The following TRANK1 variants were observed in gnomAD, a reference collection of about 807,000 sequenced individuals.
The protein encoded by TRANK1 is TPR and ankyrin repeat-containing protein 1.
In TRANK1, 198 loss-of-function variants were observed where a neutral mutation model predicts 266.0. The ratio of observed to expected loss-of-function variants is 0.74; its 90% CI spans 0.66 to 0.84. TRANK1 has a LOEUF of 0.84. TRANK1 is among the 40% of genes least tolerant of loss of function. The probability of loss-of-function intolerance (pLI) is 0.00; values close to 1 mark genes in which losing one functional copy is unlikely to be tolerated. For synonymous variants in TRANK1, 1,396 were observed against 1,384.1 expected (o/e 1.01, Z -0.19); for missense variants, 3,326 against 3,634.6 (o/e 0.92, Z 2.18).
chr3:36,927,065 G>T (rs1434636459), intron 1 of TRANK1, among the ~76,000 whole-genome samples: 2 of 152,116 alleles, frequency 1.3e-5, no homozygotes, highest in Non-Finnish European at 1.5e-5. Context: ...AAGAACTAAT[G>T]AATCCCCTTT....
rs372110213 is a variant in TRANK1 at position 36,832,615 on chromosome 3, C to T, written c.6968G>A (p.Arg2323His). The T allele has an allele frequency of 7.4e-6, 12 of 1,613,942 alleles. No homozygotes were observed. The highest frequency in any genetic ancestry group is 2.2e-5 in the South Asian group (2 of 91,078). ...CAGCCACAGGTCTGTGGATTCCCGG[C>T]GGTTGCGTGCGCTTTCATTTTCAAA... ...FLFENESARNRRESTDLWLSA... is the reference protein window; with the variant it reads ...FLFENESARNHRESTDLWLSA... Residue 2323 changes from arginine to histidine, a missense_variant, in exon 22 of 24, where the codon CGC (arginine) becomes CAC (histidine). Arg to His is a conservative substitution (Grantham distance 29, BLOSUM62 0). Coordinates refer to ENST00000645898, the MANE Select transcript of TRANK1 (RefSeq NM_001329998.2).
In TRANK1 at chr3:36,847,357, A is replaced by G. The variant is rs1255258334; in HGVS notation, c.4888-11T>C. ...CCATTCCTTATAAGCCTGAACAACAACAAAAAAGTGAAGACCAACAGAATA... is the reference window on the plus strand; with the variant it reads ...CCATTCCTTATAAGCCTGAACAACAGCAAAAAAGTGAAGACCAACAGAATA... On this transcript the variant is annotated splice_polypyrimidine_tract_variant and intron_variant, in intron 15 of 23. Coordinates refer to ENST00000645898, the MANE Select transcript of TRANK1 (RefSeq NM_001329998.2). 1 of 1,612,942 alleles carries G rather than the reference A, an allele frequency of 6.2e-7. No homozygotes were observed. Among genetic ancestry groups the G allele is most frequent in the Non-Finnish European group, 8.5e-7 (1 of 1,179,298 alleles).
intron 1 of TRANK1, among the ~76,000 whole-genome samples, chr3:36,918,939 T>TC (rs2080176750): frequency 1.3e-5 from 2 of 152,106 alleles, no homozygotes; most frequent in Admixed American, 1.3e-4. Flanking sequence ...AGTTAAAATA[T>TC]CCCCCAGCAG....
rs202052394 is a variant in TRANK1, at chr3:36,857,545, C to T, written c.2177G>A (p.Cys726Tyr). ...CTGCATAAGGCAGTCTCTCAGCGAG[C>T]AGGGCCTGAGAGCTCCAGGCTCCTT... is the stretch of plus-strand genomic sequence containing the variant. Reference protein sequence around the residue: ...TRKEPGALRPCSLRDCLMQDI... With the variant: ...TRKEPGALRPYSLRDCLMQDI... The change falls in exon 13 of 24, where the codon TGC becomes TAC. Residue 726 changes from cysteine to tyrosine, a missense_variant. Coordinates refer to ENST00000645898, the MANE Select transcript of TRANK1 (RefSeq NM_001329998.2). The surrounding 1 kb of genome is among the most constrained non-coding windows in gnomAD (Gnocchi z 4.3). 1.5e-4 allele frequency: 250 copies of T among 1,613,938 alleles called. No homozygotes were observed. Among genetic ancestry groups the T allele is most frequent in the Non-Finnish European group, 2.1e-4 (244 of 1,179,912 alleles).
chr3:36,838,283 C>A, intron 20 of TRANK1, 89 bp downstream of exon 20: 1 of 1,539,442 alleles, frequency 6.5e-7, no homozygotes, highest in South Asian at 1.3e-5. Flanking sequence ...GCAGCCTCTT[C>A]CTGCTATGAG....
intron 1 of TRANK1, among the ~76,000 whole-genome samples, chr3:36,930,741 A>G (rs906810313): frequency 2.0e-5 from 3 of 152,244 alleles, no homozygotes; most frequent in Admixed American, 2.0e-4. Context: ...ATTCTATAAC[A>G]GGCAAATCTA....
At chr3:36,904,348 A>G (rs2079929834) in intron 2 of TRANK1, among the ~76,000 whole-genome samples, 1 of 151,766 alleles carries the variant, frequency 6.6e-6, no homozygotes, top group Non-Finnish European at 1.5e-5. Context: ...GTGAAACCCC[A>G]TCTCTACTAA....
rs958768132 is a variant in TRANK1 at position 36,828,164 on chromosome 3, C to T, written c.*111G>A. On this transcript the variant is annotated 3_prime_UTR_variant, in exon 24 of 24. Transcript: ENST00000645898. ...AAAAGCAATGGTGTTGTTAGACTCC[C>T]CTATTTTTAAAATGCTAATTCACAT... 5.4e-5 allele frequency: 41 copies of T among 762,406 alleles called. 1 individual carries two copies. The Admixed American group carries it at 8.8e-4, about 16-fold the overall frequency. 47.2% of individuals were successfully genotyped at this position (762,406 alleles called of 1,614,324 possible).
At chr3:36,894,043 C>A (rs2079751322) in intron 5 of TRANK1, among the ~76,000 whole-genome samples, 1 of 152,182 alleles carries the variant, frequency 6.6e-6, no homozygotes, top group Admixed American at 6.5e-5. Context: ...ATAAGTTCAG[C>A]ATTCTAGTGG....
intron 1 of TRANK1, among the ~76,000 whole-genome samples, 174 bp downstream of exon 1, chr3:36,944,613 C>A (rs1413986764): frequency 6.6e-6 from 1 of 152,178 alleles, no homozygotes; most frequent in Non-Finnish European, 1.5e-5. Flanking sequence ...CGACCCCGCG[C>A]AACTGGCTCG....
intron 17 of TRANK1, among the ~76,000 whole-genome samples, chr3:36,845,632 T>A (rs1349739363): frequency 6.6e-6 from 1 of 152,236 alleles, no homozygotes; most frequent in Non-Finnish European, 1.5e-5. Flanking sequence ...ATTCTACCCA[T>A]ACTGTTTTAA....
In TRANK1 at chr3:36,851,737, G is replaced by C; in HGVS notation, c.4869C>G (p.Asn1623Lys). The change falls in exon 15 of 24, where the codon AAC (asparagine) becomes AAG (lysine). Residue 1623 changes from asparagine to lysine, a missense_variant. Coordinates refer to ENST00000645898, the MANE Select transcript of TRANK1 (RefSeq NM_001329998.2). ...GACATACCTCAGAATCAGTAAAAAA[G>C]TTGTAAAGGAGGACATCATCAAATT... is the stretch of plus-strand genomic sequence containing the variant. Reference protein sequence around the residue: ...GLEFDDVLLYNFFTDSEAYKE... With the variant: ...GLEFDDVLLYKFFTDSEAYKE... The C allele has an allele frequency of 3.1e-6, 5 of 1,612,716 alleles. No homozygotes were observed. The highest frequency in any genetic ancestry group is 4.2e-6 in the Non-Finnish European group (5 of 1,179,510).
intron 11 of TRANK1, among the ~76,000 whole-genome samples, chr3:36,859,376 T>G (rs1292845964): frequency 6.6e-6 from 1 of 152,006 alleles, no homozygotes; most frequent in Non-Finnish European, 1.5e-5. Context: ...CCCATCAACC[T>G]GTCACCTACA....
chr3:36,929,493 C>T (rs1054489860), intron 1 of TRANK1: 2 of 152,074 alleles, frequency 1.3e-5, no homozygotes, highest in African/African-American at 4.8e-5. Context: ...GAATATCCAG[C>T]AATAAATATA....
Position 36,831,965 on chromosome 3 carries a change from T to A in TRANK1, c.7618A>T (p.Asn2540Tyr). The A allele has an allele frequency of 1.2e-6, 2 of 1,613,992 alleles. No individual in the cohort carries two copies. The highest frequency in any genetic ancestry group is 1.7e-6 in the Non-Finnish European group (2 of 1,179,890). The change falls in exon 22 of 24, where the codon AAC (asparagine) becomes TAC (tyrosine). Residue 2540 changes from asparagine (N) to tyrosine (Y), a missense_variant. Asn to Tyr is a moderately radical substitution (Grantham distance 143). Transcript: ENST00000645898. The surrounding 1 kb of genome is among the most constrained non-coding windows in gnomAD (Gnocchi z 5.0). ...AAGGCATCAAGCAGGACGTTGAAGTTCACATTCTCATAGCCACATAGCACC... is the reference window on the plus strand; with the variant it reads ...AAGGCATCAAGCAGGACGTTGAAGTACACATTCTCATAGCCACATAGCACC... ...AKVLCGYENV[N>Y]FNVLLDAFSE...
rs578243519 is a variant in TRANK1, at chr3:36,832,622, G to A, written c.6961C>T (p.Arg2321Cys). 41 of 1,613,846 alleles carry A rather than the reference G, an allele frequency of 2.5e-5. No individual in the cohort carries two copies. The Middle Eastern group carries it at 4.9e-4, about 19-fold the overall frequency. Residue 2321 changes from arginine to cysteine, a missense_variant, in exon 22 of 24, where the codon CGC (arginine) becomes TGC (cysteine). By Grantham distance (180) the Arg-to-Cys change is radical (BLOSUM62 -3). Transcript: ENST00000645898. ...IHFLFENESA[R>C]NRRESTDLWL... ...AGGTCTGTGGATTCCCGGCGGTTGC[G>A]TGCGCTTTCATTTTCAAACAGAAAG...
chr3:36,944,265 T>G (rs1412818454), intron 1 of TRANK1, among the ~76,000 whole-genome samples: 1 of 152,070 alleles, frequency 6.6e-6, no homozygotes, highest in African/African-American at 2.4e-5. Context: ...CAGCCCTCAA[T>G]CGGGCGGGCA....
chr3:36,863,333 C>A (rs2079170312), intron 10 of TRANK1, among the ~76,000 whole-genome samples: 1 of 152,116 alleles, frequency 6.6e-6, no homozygotes, highest in South Asian at 2.1e-4. Flanking sequence ...ATTTTCACAA[C>A]CCTAAGTAAA....
At chr3:36,859,457 C>T (rs921462518) in intron 11 of TRANK1, among the ~76,000 whole-genome samples, 1 of 151,954 alleles carries the variant, frequency 6.6e-6, no homozygotes, top group African/African-American at 2.4e-5. Flanking sequence ...GTGTGACGTG[C>T]CCTCCCTTTG....
Sources: gnomAD v4.1 joint callset for allele counts (sites outside exome capture counted in the v4.1 genomes callset) on GRCh38, gnomAD v4.1.1 for gene constraint, Gnocchi (gnomAD v3.1) non-coding constraint, MANE v1.5 for transcripts, NCBI Gene and HGNC (gene_info 2026-07-23, HGNC 2026-07-21) for gene names.